MOK: variants seen among roughly 807,000 people sequenced by gnomAD.
MOK encodes MAPK/MAK/MRK overlapping kinase.
MOK carries 59 observed loss-of-function variants against 54.2 expected under a neutral mutation model. The ratio of observed to expected loss-of-function variants is 1.09; its 90% CI spans 0.88 to 1.35. MOK has a LOEUF of 1.35. Ranked by LOEUF, MOK falls within the 40% of genes most tolerant of loss-of-function variation. The probability of loss-of-function intolerance (pLI) is 0.00; values close to 1 mark genes in which losing one functional copy is unlikely to be tolerated. For missense variants in MOK, 517 were observed against 526.2 expected, an observed-to-expected ratio of 0.98 and a Z score of 0.17; for synonymous variants, 210 against 202.7, an observed-to-expected ratio of 1.04 and a Z score of -0.31.
At position 102,240,029 on chromosome 14, in the gene MOK, G is replaced by A. The variant is rs534192475; in HGVS notation, c.591-6240C>T. On this transcript the variant is annotated intron_variant, in intron 7 of 11. Transcript: ENST00000361847. This position sits in a 1 kb window ranked among gnomAD's most constrained non-coding sequence, Gnocchi z 5.4. ...AAGCAAGTGAAGAATCACAAAAGAA[G>A]TGAAAATGGCCAGCCCTGCCTTAAC... Among the ~76,000 whole-genome samples the A allele has an allele frequency of 6.6e-6, 1 of 152,266 alleles. No homozygotes were observed. The highest frequency in any genetic ancestry group is 1.9e-4 in the East Asian group (1 of 5,178).
intron 4 of MOK, among the ~76,000 whole-genome samples, chr14:102,259,607 C>T (rs752184124): frequency 6.6e-6 from 1 of 152,100 alleles, no homozygotes; most frequent in African/African-American, 2.4e-5. Flanking sequence ...TGTCATGAGG[C>T]GGTATGGGTG....
chr14:102,296,073 G>A (rs993154469), intron 1 of MOK, among the ~76,000 whole-genome samples: 1 of 151,788 alleles, frequency 6.6e-6, no homozygotes, highest in East Asian at 1.9e-4. Context: ...TGGTGAAACC[G>A]AGTCTCTACT....
At chr14:102,290,295 C>T (rs762427349) in intron 1 of MOK, among the ~76,000 whole-genome samples, 4 of 151,670 alleles carry the variant, frequency 2.6e-5, no homozygotes, top group Non-Finnish European at 4.4e-5. Context: ...CAAAATTAGC[C>T]GGGTGTGGTG....
chr14:102,223,885 A>C (rs1223816613), downstream of MOK, among the ~76,000 whole-genome samples: 1 of 152,154 alleles, frequency 6.6e-6, no homozygotes, highest in Non-Finnish European at 1.5e-5. Flanking sequence ...CACTGTGGGC[A>C]GCTGCACGTC....
chr14:102,222,446 G>C (rs2153072385), downstream of MOK, among the ~76,000 whole-genome samples: 1 of 152,312 alleles, frequency 6.6e-6, no homozygotes, highest in Non-Finnish European at 1.5e-5. The surrounding 1 kb of genome is among the most constrained non-coding windows in gnomAD (Gnocchi z 4.4). Context: ...CAGAACTGCG[G>C]TGCCCTGGGC....
chr14:102,229,620 C>T lies in MOK; in HGVS notation c.1019G>A (p.Arg340Lys). 6.2e-7 allele frequency: 1 copy of T among 1,613,914 alleles called. No individual in the cohort carries two copies. The highest frequency in any genetic ancestry group is 8.5e-7 in the Non-Finnish European group (1 of 1,179,812). Residue 340 changes from arginine to lysine, a missense_variant, in exon 11 of 12, where the codon AGA becomes AAA. Physicochemically the swap from Arg to Lys is conservative, Grantham distance 26. Transcript: ENST00000361847. ...SLKQEEDRPK[R>K]RGPAYVMELP... ...TTCCATGACATAGGCCGGTCCTCGT[C>T]TCTTGGGACGGTCCTCCTCTTGCTT...
At chr14:102,221,431 G>A (rs980083914), downstream of MOK, among the ~76,000 whole-genome samples, 1 of 152,226 alleles carries the variant, frequency 6.6e-6, no homozygotes, top group Non-Finnish European at 1.5e-5. This position sits in a 1 kb window ranked among gnomAD's most constrained non-coding sequence, Gnocchi z 4.8. Context: ...CAGACTGTCT[G>A]CGGCAGAAGT....
intron 1 of MOK, 33 bp from the exon 2 acceptor site, chr14:102,283,625 T>C (rs766236818): frequency 2.1e-6 from 3 of 1,397,068 alleles, no homozygotes; most frequent in Admixed American, 1.8e-5. Context: ...AAATAAAATG[T>C]TATTTATGCA....
At chr14:102,219,394 G>C in the MOK span, among the ~76,000 whole-genome samples, 1 of 152,198 alleles carries the variant, frequency 6.6e-6, no homozygotes, top group African/African-American at 2.4e-5. Flanking sequence ...CTGCCACCCG[G>C]AGTGCTGTGT....
intron 2 of MOK, among the ~76,000 whole-genome samples, chr14:102,281,310 C>T (rs944885055): frequency 2.7e-5 from 4 of 149,716 alleles, no homozygotes; most frequent in East Asian, 2.0e-4. Flanking sequence ...GGTGACAATG[C>T]GAGACTCTGT....
chr14:102,292,625 T>C (rs1325822958), intron 1 of MOK, among the ~76,000 whole-genome samples: 1 of 152,116 alleles, frequency 6.6e-6, no homozygotes, highest in African/African-American at 2.4e-5. Flanking sequence ...TGTGTGCACC[T>C]TGTCCTCCTG....
intron 2 of MOK, among the ~76,000 whole-genome samples, chr14:102,268,960 A>G (rs1019005353): frequency 2.0e-5 from 3 of 151,944 alleles, no homozygotes; most frequent in African/African-American, 7.2e-5. Context: ...AAATTTCAAC[A>G]TTTCATTTTA....
chr14:102,259,321 T>C (rs915149446), intron 4 of MOK, among the ~76,000 whole-genome samples: 1 of 152,182 alleles, frequency 6.6e-6, no homozygotes, highest in African/African-American at 2.4e-5. Flanking sequence ...ATCTAAAGCC[T>C]TAGTGATTGA....
At chr14:102,254,637 G>A (rs1266856077) in intron 4 of MOK, among the ~76,000 whole-genome samples, 1 of 151,998 alleles carries the variant, frequency 6.6e-6, no homozygotes, top group East Asian at 1.9e-4. Context: ...CCCACGAGTG[G>A]GTTGCTAAGA....
chr14:102,215,733 T>C, the MOK span, among the ~76,000 whole-genome samples: 92 of 152,336 alleles, frequency 6.0e-4, no homozygotes, highest in Middle Eastern at 6.8e-3. Flanking sequence ...GGCGTGAGGT[T>C]GTCCTGCTGT....
chr14:102,260,984 G>A (rs893666750), intron 4 of MOK, among the ~76,000 whole-genome samples: 2 of 151,892 alleles, frequency 1.3e-5, no homozygotes, highest in African/African-American at 2.4e-5. Flanking sequence ...TTGGCTGGGC[G>A]CGGTGGCTCA....
At chr14:102,286,049 C>T (rs2070018465) in intron 1 of MOK, among the ~76,000 whole-genome samples, 1 of 151,972 alleles carries the variant, frequency 6.6e-6, no homozygotes, top group Admixed American at 6.6e-5. Context: ...CCTGTAATCC[C>T]AGCACTTTGG....
In MOK at chr14:102,229,229, C is replaced by T; in HGVS notation, c.*60G>A. ...CGTGGCGTCTCAGCAGCAGATCACC[C>T]AGGCCTGGCCCGGTCGGGCTTGGTG... is the stretch of plus-strand genomic sequence containing the variant. On this transcript the variant is annotated 3_prime_UTR_variant, in exon 12 of 12. Transcript: ENST00000361847. 6.7e-7 allele frequency: 1 copy of T among 1,499,940 alleles called. No individual in the cohort carries two copies. The highest frequency in any genetic ancestry group is 1.3e-5 in the South Asian group (1 of 77,318). 92.9% of individuals were successfully genotyped at this position (1,499,940 alleles called of 1,614,324 possible).
In MOK at chr14:102,251,965, AT is replaced by A. The variant is rs753079987; in HGVS notation, c.313del (p.Ile105LeufsTer25). ...GRRYPLSEKK[I>X]MHYMYQLCKS... ...ACATAACTGGTACATATAGTGCATA[AT>A]TTTTTTTTCTGATAATGGGTATCTT... is the stretch of plus-strand genomic sequence containing the variant. On this transcript the variant is annotated frameshift_variant, in exon 5 of 12. Coordinates refer to ENST00000361847, the MANE Select transcript of MOK (RefSeq NM_014226.3). LOFTEE classifies it high-confidence loss of function. 4.3e-5 allele frequency: 68 copies of A among 1,598,768 alleles called. No individual in the cohort carries two copies. The highest frequency in any genetic ancestry group is 1.0e-4 in the Admixed American group (6 of 59,376).
Sources: gnomAD v4.1 joint callset for allele counts (sites outside exome capture counted in the v4.1 genomes callset) on GRCh38, gnomAD v4.1.1 for gene constraint, Gnocchi (gnomAD v3.1) non-coding constraint, MANE v1.5 for transcripts, NCBI Gene and HGNC (gene_info 2026-07-23, HGNC 2026-07-21) for gene names.